The following PCDHA4 variants were observed in gnomAD, a reference collection of about 807,000 sequenced individuals.
PCDHA4 encodes protocadherin alpha-4.
PCDHA4 carries 49 observed loss-of-function variants against 61.4 expected under a neutral mutation model. The ratio of observed to expected loss-of-function variants is 0.80; its 90% CI spans 0.63 to 1.01. PCDHA4 has a LOEUF of 1.01. Among genes scored for constraint, PCDHA4 ranks in the 50% least tolerant of loss-of-function variants. The pLI is 0.00. For missense variants in PCDHA4, 1,254 were observed against 1,235.8 expected, an observed-to-expected ratio of 1.01 and a Z score of -0.22; for synonymous variants, 590 against 550.3, an observed-to-expected ratio of 1.07 and a Z score of -1.01.
At chr5:140,824,011 AGCTGGTCGTACTC>A (rs1227166716) in intron 1 of PCDHA4, 2 of 1,613,900 alleles carry the variant, frequency 1.2e-6, no homozygotes, top group Non-Finnish European at 1.7e-6. Context: ...CGCGGTGGGG[AGCTGGTCGTACTC>A]GCAGCAGAGG....
At chr5:140,850,268 G>T in intron 1 of PCDHA4, 1 of 1,594,774 alleles carries the variant, frequency 6.3e-7, no homozygotes, top group Non-Finnish European at 8.6e-7. Flanking sequence ...GCGTAGTGGT[G>T]GGGAAGGTGC....
chr5:140,858,622 G>T, intron 1 of PCDHA4: 1 of 1,136,482 alleles, frequency 8.8e-7, no homozygotes, highest in Non-Finnish European at 1.2e-6. Flanking sequence ...ATCCTACCCA[G>T]TGTGTCAGCC....
chr5:140,849,155 C>G (rs1169680334), intron 1 of PCDHA4: 5 of 1,223,436 alleles, frequency 4.1e-6, no homozygotes, highest in Non-Finnish European at 4.5e-6. Context: ...GAGGCAAACC[C>G]GAGCTGACTG....
At chr5:140,874,496 T>A (rs1352627184) in intron 1 of PCDHA4, among the ~76,000 whole-genome samples, 1 of 152,214 alleles carries the variant, frequency 6.6e-6, no homozygotes, top group Non-Finnish European at 1.5e-5. Context: ...TGATATCAAG[T>A]TCACATTCTC....
In PCDHA4 at chr5:140,843,131, A is replaced by T. The variant is rs1778597379; in HGVS notation, c.2385+33559A>T. 3 of 1,596,044 alleles carry T rather than the reference A, an allele frequency of 1.9e-6. No homozygotes were observed. The African/African-American group carries it at 4.0e-5, about 21-fold the overall frequency. On this transcript the variant is annotated intron_variant, in intron 1 of 3. Coordinates refer to ENST00000530339, the MANE Select transcript of PCDHA4 (RefSeq NM_018907.4). ...CGCAGTGGACGCCGACTCGGGCTAC[A>T]ACGCGTGGCTTTCGTATGAGCTGCA...
rs782052342 is a variant in PCDHA4, at chr5:140,927,029, C to T, written c.2386-51920C>T. On this transcript the variant is annotated intron_variant, in intron 1 of 3. Transcript: ENST00000530339. ...AATCTCTCCGCGGACTTGAGGCTGC[C>T]AGCGGCCGCTATGTCCTCGCGGAAC... 1.9e-6 allele frequency: 3 copies of T among 1,612,358 alleles called. No homozygotes were observed. In the South Asian group the frequency reaches 3.3e-5, roughly 18 times the overall value.
chr5:140,850,370 G>A (rs141414972), intron 1 of PCDHA4: 2 of 1,597,812 alleles, frequency 1.3e-6, no homozygotes, highest in African/African-American at 2.7e-5. Context: ...TCCGCGTGGG[G>A]CTGTACACGG....
intron 3 of PCDHA4, among the ~76,000 whole-genome samples, chr5:140,987,213 C>CAA (rs58319157): frequency 8.4e-5 from 10 of 118,874 alleles, no homozygotes; most frequent in Non-Finnish European, 1.2e-4. Flanking sequence ...GACTCCATCT[C>CAA]AAAAAAAAAA....
chr5:140,883,378 C>A, intron 1 of PCDHA4: 1 of 1,614,146 alleles, frequency 6.2e-7, no homozygotes. Context: ...CCATTATTGC[C>A]CTAATCAGTG....
chr5:140,916,706 G>A (rs1179319029), intron 1 of PCDHA4, among the ~76,000 whole-genome samples: 1 of 152,200 alleles, frequency 6.6e-6, no homozygotes, highest in Admixed American at 6.5e-5. Flanking sequence ...TCCTTAAGCA[G>A]AAGGAAGGAG....
intron 1 of PCDHA4, chr5:140,930,231 A>C (rs1234850185): frequency 6.6e-6 from 1 of 152,238 alleles, no homozygotes; most frequent in South Asian, 2.1e-4. Context: ...TGCACTTACC[A>C]TCCAAAGTCC....
At chr5:140,848,501 A>G (rs2150411434) in intron 1 of PCDHA4, 1 of 1,586,022 alleles carries the variant, frequency 6.3e-7, no homozygotes, top group African/African-American at 1.4e-5. Flanking sequence ...TTGAAATGTT[A>G]TACTCAAGTC....
chr5:140,883,568 T>C, intron 1 of PCDHA4: 3 of 1,614,110 alleles, frequency 1.9e-6, no homozygotes, highest in Non-Finnish European at 2.5e-6. Context: ...GGGCTCGCCT[T>C]CGCTGTGGGC....
rs1231856848 is a variant in PCDHA4 at position 141,000,389 on chromosome 5, CTCTCTCTA to C, written c.2534-9236_2534-9229del. 6.2e-3 allele frequency among the ~76,000 whole-genome samples: 389 copies of C among 62,448 alleles called. 3 individuals are homozygous for C. Among genetic ancestry groups the C allele is most frequent in the East Asian group, 0.011 (21 of 1,838 alleles). The allele number at this position is 62,448 out of a possible 152,430, so 41.0% of individuals were successfully genotyped here. A position where few individuals can be genotyped will look rare whatever the true frequency, so the allele number is the denominator to read the frequency against. ...TCTCTCTCTCTCTCTCTCTCTCTCT[CTCTCTCTA>C]TATATATATATATATATATATATAT... is the stretch of plus-strand genomic sequence containing the variant. On this transcript the variant is annotated intron_variant, in intron 3 of 3. Coordinates refer to ENST00000530339, the MANE Select transcript of PCDHA4 (RefSeq NM_018907.4).
intron 3 of PCDHA4, among the ~76,000 whole-genome samples, chr5:141,000,361 GTCTCTCTCTCTCTC>G (rs148596731): frequency 5.7e-4 from 15 of 26,444 alleles, no homozygotes; most frequent in African/African-American, 2.0e-3. Context: ...GTCTCTCTCT[GTCTCTCTCTCTCTC>G]TCTCTCTCTC....
At chr5:140,932,810 A>G (rs925757508) in intron 1 of PCDHA4, among the ~76,000 whole-genome samples, 1 of 151,958 alleles carries the variant, frequency 6.6e-6, no homozygotes, top group Non-Finnish European at 1.5e-5. Flanking sequence ...CCTTGGAAAC[A>G]TATAAGTGGG....
At chr5:140,875,346 T>A in intron 1 of PCDHA4, 1 of 1,443,436 alleles carries the variant, frequency 6.9e-7, no homozygotes, top group Non-Finnish European at 9.1e-7. Flanking sequence ...GACTCCATAA[T>A]GACTGTGATG....
chr5:140,843,529 G>A (rs2150362130), intron 1 of PCDHA4: 1 of 1,596,020 alleles, frequency 6.3e-7, no homozygotes, highest in Middle Eastern at 1.7e-4. Flanking sequence ...GGGCGGGCAA[G>A]CCCACTCTGG....
chr5:140,842,984 G>T (rs2150349206), intron 1 of PCDHA4: 2 of 1,595,034 alleles, frequency 1.3e-6, no homozygotes, highest in Non-Finnish European at 8.6e-7. Flanking sequence ...GCAGGTGTTC[G>T]TGCTGGACGA....
Sources: gnomAD v4.1 joint callset for allele counts (sites outside exome capture counted in the v4.1 genomes callset) on GRCh38, gnomAD v4.1.1 for gene constraint, MANE v1.5 for transcripts, NCBI Gene and HGNC (gene_info 2026-07-23, HGNC 2026-07-21) for gene names.